Variants in TRPC7 observed in about 807,000 individuals in gnomAD.
The protein encoded by TRPC7 is short transient receptor potential channel 7.
A neutral mutation model predicts 90.1 loss-of-function variants in TRPC7; 42 were observed. That is an observed-to-expected ratio of 0.47 (90% confidence interval 0.36 to 0.60). The LOEUF is 0.60. TRPC7 is among the 20% of genes least tolerant of loss of function. The pLI, the probability that TRPC7 is intolerant of heterozygous loss-of-function variation, is 0.00. For synonymous variants in TRPC7, 451 were observed against 436.3 expected (o/e 1.03, Z -0.42); for missense variants, 955 against 1,112.3 (o/e 0.86, Z 2.01).
At chr5:136,346,308 C>A (rs962736519) in intron 2 of TRPC7, among the ~76,000 whole-genome samples, 1 of 152,138 alleles carries the variant, frequency 6.6e-6, no homozygotes, top group Non-Finnish European at 1.5e-5. Flanking sequence ...TTTTGTTCTT[C>A]TGCTCTTCTA....
chr5:136,363,632 TG>T (rs1225098022), intron 1 of TRPC7, among the ~76,000 whole-genome samples: 1 of 152,174 alleles, frequency 6.6e-6, no homozygotes, highest in Non-Finnish European at 1.5e-5. Flanking sequence ...TCTACTAATG[TG>T]GGATGGTTTT....
At chr5:136,335,379 C>G (rs1263712783) in intron 2 of TRPC7, among the ~76,000 whole-genome samples, 1 of 152,040 alleles carries the variant, frequency 6.6e-6, no homozygotes, top group Non-Finnish European at 1.5e-5. Flanking sequence ...CCACTTAGCC[C>G]TTGGAGCTGG....
chr5:136,317,582 C>T (rs1358671300), intron 2 of TRPC7, among the ~76,000 whole-genome samples: 2 of 152,168 alleles, frequency 1.3e-5, no homozygotes, highest in Admixed American at 1.3e-4. Flanking sequence ...TGGACCCATT[C>T]AACTCTGGCA....
At chr5:136,339,474 T>C (rs189018450) in intron 2 of TRPC7, among the ~76,000 whole-genome samples, 4 of 152,310 alleles carry the variant, frequency 2.6e-5, no homozygotes, top group South Asian at 2.1e-4. Flanking sequence ...TGGAGGTTAT[T>C]TGTAAATTCC....
chr5:136,307,022 A>T (rs530457269), intron 3 of TRPC7, among the ~76,000 whole-genome samples: 1 of 152,216 alleles, frequency 6.6e-6, no homozygotes, highest in Non-Finnish European at 1.5e-5. Context: ...GACATGCATG[A>T]AAATAGTTGT....
At chr5:136,285,819 G>A (rs7735199) in intron 3 of TRPC7, among the ~76,000 whole-genome samples, 11,039 of 152,220 alleles carry the variant, frequency 0.073, 620 homozygotes, top group East Asian at 0.29. Flanking sequence ...GCTTTTGATA[G>A]TCTAGTTCTT....
At position 136,266,410 on chromosome 5, in the gene TRPC7, G is replaced by C; in HGVS notation, c.1155C>G (p.Phe385Leu). The C allele has an allele frequency of 6.2e-7, 1 of 1,613,734 alleles. No individual in the cohort carries two copies. The highest frequency in any genetic ancestry group is 1.1e-5 in the South Asian group (1 of 91,066). Residue 385 changes from phenylalanine (F) to leucine (L), a missense_variant, in exon 5 of 12, where the codon TTC (phenylalanine) becomes TTG (leucine). Around this residue, in one of 4 missense-constraint regions of TRPC7, gnomAD observed 484 missense variants for 509.6 expected, o/e 0.95. Transcript: ENST00000513104. ...SKLGRTLRSP[F>L]MKFVAHAVSF... ...AAACTGCATGAGCTACAAACTTCATGAAAGGGCTCCTCAGGGTTCGTCCTA... is the reference window on the plus strand; with the variant it reads ...AAACTGCATGAGCTACAAACTTCATCAAAGGGCTCCTCAGGGTTCGTCCTA...
At chr5:136,268,674 T>C (rs1193676466) in intron 4 of TRPC7, among the ~76,000 whole-genome samples, 4 of 152,242 alleles carry the variant, frequency 2.6e-5, no homozygotes, top group Non-Finnish European at 4.4e-5. Context: ...TAGAAGAAGA[T>C]GAATCTGCAA....
chr5:136,277,437 T>G (rs961156961), intron 3 of TRPC7, among the ~76,000 whole-genome samples: 4 of 152,246 alleles, frequency 2.6e-5, no homozygotes, highest in African/African-American at 7.2e-5. Flanking sequence ...GGTGTTTACC[T>G]CTATCTGGGA....
intron 2 of TRPC7, among the ~76,000 whole-genome samples, chr5:136,341,468 T>TAC (rs1378339975): frequency 3.4e-5 from 3 of 88,384 alleles, no homozygotes; most frequent in African/African-American, 1.3e-4. Context: ...TACATATACA[T>TAC]ATATATACAC....
At chr5:136,310,846 G>C (rs1758804352) in intron 3 of TRPC7, among the ~76,000 whole-genome samples, 1 of 151,972 alleles carries the variant, frequency 6.6e-6, no homozygotes, top group Non-Finnish European at 1.5e-5. Flanking sequence ...GTTTTATTCT[G>C]CTTGGGTCCT....
chr5:136,360,125 A>G (rs1760523079), intron 1 of TRPC7, among the ~76,000 whole-genome samples: 1 of 152,214 alleles, frequency 6.6e-6, no homozygotes, highest in Non-Finnish European at 1.5e-5. Context: ...GATTAACTCA[A>G]AGGAAATTTA....
At position 136,247,421 on chromosome 5, in the gene TRPC7, T is replaced by C. The variant is rs1404510475; in HGVS notation, c.1844+50A>G. The C allele has an allele frequency of 5.8e-6, 9 of 1,553,690 alleles. No individual in the cohort carries two copies. The South Asian group carries it at 1.1e-4, about 19-fold the overall frequency. The stretch of plus-strand genomic sequence containing the variant: ...GCCACCTTCAGGAGACTCCCAAGGA[T>C]TCCCAGGAAGCCCAGGGAGAACCTC... On this transcript the variant is annotated intron_variant, in intron 7 of 11. Transcript: ENST00000513104. The surrounding 1 kb of genome is among the most constrained non-coding windows in gnomAD (Gnocchi z 4.2).
intron 3 of TRPC7, among the ~76,000 whole-genome samples, chr5:136,290,153 A>G (rs1171486625): frequency 1.1e-4 from 16 of 152,286 alleles, no homozygotes. Flanking sequence ...CGTCACCATC[A>G]TCAAAGACCA....
intron 2 of TRPC7, among the ~76,000 whole-genome samples, chr5:136,323,812 C>A (rs1294378015): frequency 6.6e-6 from 1 of 152,200 alleles, no homozygotes; most frequent in East Asian, 1.9e-4. Flanking sequence ...TTTTCTCATT[C>A]CTTCCCTTTA....
At chr5:136,347,446 T>G (rs191215482) in intron 2 of TRPC7, among the ~76,000 whole-genome samples, 8 of 152,314 alleles carry the variant, frequency 5.3e-5, no homozygotes, top group African/African-American at 1.9e-4. Context: ...AGCTTTAGTT[T>G]AACATAAATC....
intron 7 of TRPC7, among the ~76,000 whole-genome samples, chr5:136,241,848 G>A (rs1315777584): frequency 6.6e-6 from 1 of 152,160 alleles, no homozygotes; most frequent in African/African-American, 2.4e-5. Context: ...GAGCCACCGC[G>A]CCCAGCCTAG....
At chr5:136,328,620 G>T (rs192347211) in intron 2 of TRPC7, among the ~76,000 whole-genome samples, 1 of 152,248 alleles carries the variant, frequency 6.6e-6, no homozygotes, top group Non-Finnish European at 1.5e-5. Flanking sequence ...AATTTAGTCT[G>T]TATAATGGGG....
chr5:136,225,981 C>T (rs908408357), intron 9 of TRPC7, 53 bp downstream of exon 9: 28 of 1,475,028 alleles, frequency 1.9e-5, no homozygotes, highest in East Asian at 1.5e-4. Context: ...ACTCTAGACT[C>T]GCCTGCCCCC....
Sources: allele counts gnomAD v4.1 joint callset (sites outside exome capture counted in the v4.1 genomes callset), GRCh38; gene constraint gnomAD v4.1.1; regional missense constraint gnomAD v4.1.1; non-coding constraint Gnocchi (gnomAD v3.1); transcripts MANE v1.5; gene names NCBI Gene and HGNC (gene_info 2026-07-23, HGNC 2026-07-21).